The following CTDSPL variants were observed in gnomAD, a reference collection of about 807,000 sequenced individuals.
CTDSPL encodes CTD small phosphatase-like protein.
A neutral mutation model predicts 30.5 loss-of-function variants in CTDSPL; 8 were observed. The observed-to-expected ratio is 0.26, with a 90% CI of 0.15 to 0.47. The LOEUF (loss-of-function observed/expected upper bound fraction) is 0.47, where lower values mean the gene tolerates loss of function less well. Among genes scored for constraint, CTDSPL ranks in the 20% least tolerant of loss-of-function variants. CTDSPL has a pLI of 0.99. For synonymous variants in CTDSPL, 110 were observed against 137.9 expected (o/e 0.80, Z 1.42); for missense variants, 248 against 366.1 (o/e 0.68, Z 2.63).
chr3:37,903,205 C>T (rs562888136), intron 1 of CTDSPL, among the ~76,000 whole-genome samples: 72 of 152,276 alleles, frequency 4.7e-4, no homozygotes, highest in African/African-American at 1.6e-3. Flanking sequence ...GCAGCCGGTC[C>T]GATTGCTGGA....
intron 1 of CTDSPL, among the ~76,000 whole-genome samples, chr3:37,872,558 TTA>T (rs1394737261): frequency 2.3e-4 from 33 of 146,634 alleles, no homozygotes; most frequent in African/African-American, 7.7e-4. Context: ...TTTTTTTTTT[TTA>T]AATTCTTTTA....
At chr3:37,971,631 G>T in intron 6 of CTDSPL, 132 bp downstream of exon 6, 1 of 739,296 alleles carries the variant, frequency 1.4e-6, no homozygotes, top group Non-Finnish European at 2.3e-6. Flanking sequence ...TCCCACCCCA[G>T]ATGGGATGGA....
rs1699292201 is a variant in CTDSPL at position 37,965,670 on chromosome 3, T to A, written c.369+998T>A. Among the ~76,000 whole-genome samples the A allele has an allele frequency of 2.0e-5, 3 of 152,182 alleles. No homozygotes were observed. In the South Asian group the frequency reaches 6.2e-4, roughly 32 times the overall value. The stretch of plus-strand genomic sequence containing the variant: ...AACCATAGTCATTCCTTACAAGTTG[T>A]AGGAAGCAGAAGAGCTGTCAAATGT... On this transcript the variant is annotated intron_variant, in intron 4 of 7. Transcript: ENST00000273179.
At chr3:37,871,278 A>G (rs1411563471) in intron 1 of CTDSPL, among the ~76,000 whole-genome samples, 1 of 152,106 alleles carries the variant, frequency 6.6e-6, no homozygotes, top group Non-Finnish European at 1.5e-5. Context: ...ATGTCTTTTC[A>G]TGGCTTGTTA....
chr3:37,965,774 G>C (rs970499888), intron 4 of CTDSPL, among the ~76,000 whole-genome samples: 1 of 152,238 alleles, frequency 6.6e-6, no homozygotes, highest in African/African-American at 2.4e-5. Flanking sequence ...GACAAAGCCA[G>C]AAAATTGTCT....
chr3:37,874,565 A>G (rs1698112173), intron 1 of CTDSPL, among the ~76,000 whole-genome samples: 1 of 152,178 alleles, frequency 6.6e-6, no homozygotes, highest in Non-Finnish European at 1.5e-5. Context: ...CCCCGTCTCT[A>G]CTAAAAATAC....
At chr3:37,965,298 C>T (rs1044693223) in intron 4 of CTDSPL, among the ~76,000 whole-genome samples, 3 of 152,190 alleles carry the variant, frequency 2.0e-5, no homozygotes, top group African/African-American at 4.8e-5. Context: ...TCCTTCCTGT[C>T]ACCTTCCCTG....
At chr3:37,979,963 C>T (rs1002434188) in intron 7 of CTDSPL, among the ~76,000 whole-genome samples, 1 of 152,208 alleles carries the variant, frequency 6.6e-6, no homozygotes, top group Non-Finnish European at 1.5e-5. Flanking sequence ...ACTCTCTCCC[C>T]ATCCCCTAGG....
intron 6 of CTDSPL, among the ~76,000 whole-genome samples, chr3:37,973,010 A>C (rs1699384579): frequency 6.6e-6 from 1 of 152,082 alleles, no homozygotes; most frequent in South Asian, 2.1e-4. Context: ...TGGCCTGGCC[A>C]TTGCTGGTTG....
intron 1 of CTDSPL, among the ~76,000 whole-genome samples, chr3:37,904,177 A>G (rs1698485791): frequency 6.6e-6 from 1 of 152,194 alleles, no homozygotes; most frequent in Admixed American, 6.5e-5. Flanking sequence ...TTTCACTGAA[A>G]CTTTGAACTT....
At chr3:37,939,089 A>G (rs1333198414) in intron 1 of CTDSPL, among the ~76,000 whole-genome samples, 2 of 150,184 alleles carry the variant, frequency 1.3e-5, no homozygotes, top group African/African-American at 4.8e-5. Flanking sequence ...ATCTGCCTAC[A>G]TGTTTTTTCA....
intron 1 of CTDSPL, among the ~76,000 whole-genome samples, chr3:37,900,969 G>A (rs1186387731): frequency 2.0e-5 from 3 of 151,992 alleles, no homozygotes; most frequent in African/African-American, 4.8e-5. Flanking sequence ...GCTAATTTTT[G>A]TATTTATAGT....
At chr3:37,896,093 C>T (rs963501648) in intron 1 of CTDSPL, among the ~76,000 whole-genome samples, 6 of 152,074 alleles carry the variant, frequency 3.9e-5, no homozygotes, top group Admixed American at 6.5e-5. Flanking sequence ...GTTTCTTGAG[C>T]GCTCCTATAA....
At chr3:37,971,854 T>G (rs1158471868) in intron 6 of CTDSPL, among the ~76,000 whole-genome samples, 1 of 152,226 alleles carries the variant, frequency 6.6e-6, no homozygotes, top group Non-Finnish European at 1.5e-5. Context: ...GAGGCCCCTG[T>G]GTCCTTGGGT....
intron 1 of CTDSPL, among the ~76,000 whole-genome samples, chr3:37,889,701 C>T (rs1247529356): frequency 6.6e-6 from 1 of 152,138 alleles, no homozygotes; most frequent in Non-Finnish European, 1.5e-5. Flanking sequence ...CACACCTAGG[C>T]ACATTATAAT....
chr3:37,919,229 A>G (rs1041104505), intron 1 of CTDSPL, among the ~76,000 whole-genome samples: 1 of 152,218 alleles, frequency 6.6e-6, no homozygotes, highest in African/African-American at 2.4e-5. Context: ...ACTATAGAAG[A>G]TGCTTCATCA....
In CTDSPL at chr3:37,954,072, A is replaced by G. The variant is rs1387521023; in HGVS notation, c.235-3039A>G. Among the ~76,000 whole-genome samples the G allele has an allele frequency of 3.9e-5, 6 of 152,226 alleles. No homozygotes were observed. The South Asian group carries it at 1.0e-3, about 26-fold the overall frequency. On this transcript the variant is annotated intron_variant, in intron 2 of 7. Coordinates refer to ENST00000273179, the MANE Select transcript of CTDSPL (RefSeq NM_001008392.2). ...TGGGACAAAAAATGTCAAAGAACCG[A>G]GACATTTTTAGAAAGAAAATAAGGA...
intron 1 of CTDSPL, among the ~76,000 whole-genome samples, chr3:37,886,332 C>T (rs1191224780): frequency 6.6e-6 from 1 of 152,152 alleles, no homozygotes; most frequent in African/African-American, 2.4e-5. Flanking sequence ...CCTCCCGACC[C>T]ACTTCCCTCA....
chr3:37,898,679 G>A (rs1451702022), intron 1 of CTDSPL, among the ~76,000 whole-genome samples: 2 of 152,148 alleles, frequency 1.3e-5, no homozygotes, highest in African/African-American at 2.4e-5. Flanking sequence ...AATGTGCCAA[G>A]TAACATACAA....
Sources: gnomAD v4.1 joint callset for allele counts (sites outside exome capture counted in the v4.1 genomes callset) on GRCh38, gnomAD v4.1.1 for gene constraint, MANE v1.5 for transcripts, NCBI Gene and HGNC (gene_info 2026-07-23, HGNC 2026-07-21) for gene names.